Variants in BNC2 observed in about 807,000 individuals in gnomAD.
The protein encoded by BNC2 is basonuclin zinc finger protein 2, also known as zinc finger protein basonuclin-2.
In BNC2, 20 loss-of-function variants were observed where a neutral mutation model predicts 76.3. The ratio of observed to expected loss-of-function variants is 0.26; its 90% CI spans 0.18 to 0.38. The LOEUF is 0.38. Ranked by LOEUF, BNC2 falls within the 10% of genes least tolerant of loss-of-function variation. BNC2 has a pLI of 1.00. For synonymous variants in BNC2, 582 were observed against 514.8 expected (o/e 1.13, Z -1.77); for missense variants, 1,382 against 1,399.8 (o/e 0.99, Z 0.20).
At chr9:16,504,395 C>T (rs969761020) in intron 5 of BNC2, among the ~76,000 whole-genome samples, 2 of 149,178 alleles carry the variant, frequency 1.3e-5, no homozygotes, top group African/African-American at 5.1e-5. Context: ...TCCTCTCTCA[C>T]AATTATATCT....
intron 3 of BNC2, among the ~76,000 whole-genome samples, chr9:16,623,422 C>T (rs963102643): frequency 1.3e-4 from 20 of 152,046 alleles, no homozygotes; most frequent in African/African-American, 3.6e-4. Flanking sequence ...TCTAAAGAAA[C>T]GAAAAGACCA....
At chr9:16,781,403 C>T (rs191149566) in intron 1 of BNC2, among the ~76,000 whole-genome samples, 14 of 152,218 alleles carry the variant, frequency 9.2e-5, no homozygotes, top group Admixed American at 4.6e-4. Context: ...AGTGCAGTGG[C>T]GCAATCGTGG....
At chr9:16,522,168 A>T (rs1254669590) in intron 5 of BNC2, among the ~76,000 whole-genome samples, 1 of 152,196 alleles carries the variant, frequency 6.6e-6, no homozygotes, top group Non-Finnish European at 1.5e-5. Flanking sequence ...GGGGGGCAGG[A>T]GGAGAGGGGA....
chr9:16,532,864 G>A (rs115139475), intron 5 of BNC2, among the ~76,000 whole-genome samples: 1 of 152,150 alleles, frequency 6.6e-6, no homozygotes, highest in Non-Finnish European at 1.5e-5. Context: ...ATGTTGACAG[G>A]CTGAAATCAG....
chr9:16,835,269 C>A (rs760240406), intron 1 of BNC2, among the ~76,000 whole-genome samples: 1 of 152,168 alleles, frequency 6.6e-6, no homozygotes, highest in Non-Finnish European at 1.5e-5. Context: ...ATTGATTTTT[C>A]TTTGTTAAGT....
chr9:16,429,081 A>T (rs1478470856), intron 6 of BNC2, among the ~76,000 whole-genome samples: 1 of 152,172 alleles, frequency 6.6e-6, no homozygotes, highest in African/African-American at 2.4e-5. Context: ...CTTCTTTCCA[A>T]TTCTGCCACA....
Position 16,410,213 on chromosome 9 carries a change from C to G in BNC2, c.*8776G>C, listed in dbSNP as rs898842952. 5 of 152,228 alleles carry G rather than the reference C, an allele frequency of 3.3e-5. No homozygotes were observed. The highest frequency in any genetic ancestry group is 1.2e-4 in the African/African-American group (5 of 41,438). The allele number at this position is 152,228 out of a possible 1,614,324, so 9.4% of individuals were successfully genotyped here. A position where few individuals can be genotyped will look rare whatever the true frequency, so the allele number is the denominator to read the frequency against. ...CCAGATCCCCAACCAGCCCCTTCCC[C>G]TCACCTTTGGGGAGGCAGAAAAGCA... On this transcript the variant is annotated 3_prime_UTR_variant, in exon 7 of 7. Coordinates refer to ENST00000380672, the MANE Select transcript of BNC2 (RefSeq NM_017637.6).
intron 1 of BNC2, among the ~76,000 whole-genome samples, chr9:16,773,345 C>G (rs778300537): frequency 3.9e-5 from 6 of 152,088 alleles, no homozygotes; most frequent in Non-Finnish European, 7.4e-5. Context: ...GCCTGTCACT[C>G]TCAACAAAAA....
chr9:16,547,663 T>C (rs961222661), intron 5 of BNC2, among the ~76,000 whole-genome samples: 1 of 152,208 alleles, frequency 6.6e-6, no homozygotes, highest in Non-Finnish European at 1.5e-5. Flanking sequence ...CTTTGGCTGA[T>C]GCCTAGAAGA....
chr9:16,440,082 G>A (rs967719764), intron 5 of BNC2, among the ~76,000 whole-genome samples: 1 of 152,204 alleles, frequency 6.6e-6, no homozygotes, highest in Non-Finnish European at 1.5e-5. Flanking sequence ...TAGGTAAATA[G>A]AGAAATAAGT....
At chr9:16,522,654 A>G (rs1341090318) in intron 5 of BNC2, among the ~76,000 whole-genome samples, 2 of 152,164 alleles carry the variant, frequency 1.3e-5, no homozygotes, top group Non-Finnish European at 2.9e-5. Context: ...AAGCTTTTTA[A>G]AAGAGTTTTA....
At chr9:16,659,361 G>A (rs1051342924) in intron 3 of BNC2, among the ~76,000 whole-genome samples, 3 of 152,068 alleles carry the variant, frequency 2.0e-5, no homozygotes, top group African/African-American at 7.2e-5. Flanking sequence ...CGTAATCACA[G>A]CACTTTGGGG....
chr9:16,547,581 CAG>C, intron 5 of BNC2, among the ~76,000 whole-genome samples: 1 of 152,184 alleles, frequency 6.6e-6, no homozygotes, highest in Non-Finnish European at 1.5e-5. Flanking sequence ...TTGAAGGAAA[CAG>C]AGTCCTAAGA....
At chr9:16,421,608 A>G (rs1820711739) in intron 6 of BNC2, among the ~76,000 whole-genome samples, 1 of 152,192 alleles carries the variant, frequency 6.6e-6, no homozygotes, top group Admixed American at 6.5e-5. Context: ...GGGTATGTGA[A>G]TGATAAACAG....
rs935387917 is a variant in BNC2 at position 16,463,458 on chromosome 9, G to A, written c.670-25934C>T. ...ACTACAGGCGCCCGCCACTACGCCC[G>A]GCTAATTTTTTGTATTTTTAGTAGA... On this transcript the variant is annotated intron_variant, in intron 5 of 6. Transcript: ENST00000380672. 2.2e-4 allele frequency among the ~76,000 whole-genome samples: 33 copies of A among 147,026 alleles called. 4 individuals are homozygous for A. The highest frequency in any genetic ancestry group is 8.5e-4 in the African/African-American group (32 of 37,686).
At chr9:16,581,504 C>A (rs922046625) in intron 4 of BNC2, among the ~76,000 whole-genome samples, 1 of 152,052 alleles carries the variant, frequency 6.6e-6, no homozygotes, top group Admixed American at 6.6e-5. Context: ...GTTGCAGACA[C>A]CAGGGCATGC....
chr9:16,774,878 G>A (rs1825922166), intron 1 of BNC2, among the ~76,000 whole-genome samples: 1 of 152,154 alleles, frequency 6.6e-6, no homozygotes, highest in South Asian at 2.1e-4. Context: ...CTGTATATCT[G>A]TTATCCAGTG....
intron 2 of BNC2, among the ~76,000 whole-genome samples, chr9:16,730,939 G>A (rs565482512): frequency 1.3e-4 from 20 of 152,274 alleles, no homozygotes; most frequent in African/African-American, 4.8e-4. Flanking sequence ...AAGATTTTAA[G>A]TTTCTCTAAC....
intron 3 of BNC2, among the ~76,000 whole-genome samples, chr9:16,682,936 A>G (rs1208214558): frequency 1.3e-5 from 2 of 152,262 alleles, no homozygotes. Context: ...ACCATTTCTT[A>G]GAAGATGATT....
Sources: gnomAD v4.1 joint callset for allele counts (sites outside exome capture counted in the v4.1 genomes callset) on GRCh38, gnomAD v4.1.1 for gene constraint, MANE v1.5 for transcripts, NCBI Gene and HGNC (gene_info 2026-07-23, HGNC 2026-07-21) for gene names.